PRKCB: variants seen among roughly 807,000 people sequenced by gnomAD.
The protein encoded by PRKCB is protein kinase C beta.
In PRKCB, 13 loss-of-function variants were observed where a neutral mutation model predicts 81.5. The ratio of observed to expected loss-of-function variants is 0.16; its 90% CI spans 0.10 to 0.25. PRKCB has a LOEUF of 0.25. Ranked by LOEUF, PRKCB falls within the 10% of genes least tolerant of loss-of-function variation. The pLI, the probability that PRKCB is intolerant of heterozygous loss-of-function variation, is 1.00. For missense variants in PRKCB, 509 were observed against 875.7 expected (o/e 0.58, Z 5.29); for synonymous variants, 335 against 321.4 (o/e 1.04, Z -0.45).
chr16:24,061,927 A>C (rs867777544), intron 5 of PRKCB, among the ~76,000 whole-genome samples: 2,676 of 150,142 alleles, frequency 0.018, 94 homozygotes, highest in African/African-American at 0.063. Flanking sequence ...AAAAAAAAAA[A>C]AAAAAACTTG....
intron 5 of PRKCB, among the ~76,000 whole-genome samples, chr16:24,056,686 C>G (rs561134619): frequency 6.6e-4 from 101 of 152,272 alleles, no homozygotes; most frequent in African/African-American, 2.3e-3. Context: ...CCTCCCCTCT[C>G]TCATTCTTGT....
chr16:23,890,595 A>G (rs1306334042), intron 2 of PRKCB, among the ~76,000 whole-genome samples: 1 of 152,166 alleles, frequency 6.6e-6, no homozygotes, highest in Non-Finnish European at 1.5e-5. Context: ...GCAAGAGGCT[A>G]GCTAGCTCCA....
chr16:24,213,006 A>G (rs117802727), intron 16 of PRKCB, among the ~76,000 whole-genome samples: 1 of 143,742 alleles, frequency 7.0e-6, no homozygotes, highest in African/African-American at 2.6e-5. Flanking sequence ...CCGTACTTGT[A>G]TATTTATTTA....
At chr16:23,919,387 C>CAAAA (rs55957044) in intron 2 of PRKCB, among the ~76,000 whole-genome samples, 3 of 146,038 alleles carry the variant, frequency 2.1e-5, no homozygotes, top group Non-Finnish European at 4.5e-5. Flanking sequence ...GACGAATTTG[C>CAAAA]AAAAAAAAAA....
chr16:24,002,163 G>A (rs1231472217), intron 3 of PRKCB, among the ~76,000 whole-genome samples: 2 of 152,084 alleles, frequency 1.3e-5, no homozygotes, highest in African/African-American at 4.8e-5. Context: ...GAACAGCCTT[G>A]CTAGCATTGA....
intron 9 of PRKCB, among the ~76,000 whole-genome samples, chr16:24,129,870 CT>C (rs1966850811): frequency 6.6e-6 from 1 of 152,150 alleles, no homozygotes; most frequent in Admixed American, 6.5e-5. Context: ...TTTCATTAAA[CT>C]TTTTCTTCAA....
chr16:23,962,740 T>G (rs1475154829), intron 2 of PRKCB, among the ~76,000 whole-genome samples: 1 of 151,590 alleles, frequency 6.6e-6, no homozygotes, highest in Non-Finnish European at 1.5e-5. Flanking sequence ...GTCTTTGTTT[T>G]TTTTTTCTTT....
At chr16:23,901,481 C>T (rs1274853999) in intron 2 of PRKCB, among the ~76,000 whole-genome samples, 3 of 151,912 alleles carry the variant, frequency 2.0e-5, no homozygotes, top group East Asian at 1.9e-4. Flanking sequence ...GCTTTGAGAG[C>T]GGAAGGGGAG....
intron 7 of PRKCB, among the ~76,000 whole-genome samples, chr16:24,110,353 G>A (rs1411726662): frequency 1.3e-5 from 2 of 149,132 alleles, no homozygotes; most frequent in South Asian, 2.1e-4. Flanking sequence ...CTGGGACTAC[G>A]GGCGCGTGCC....
chr16:24,025,453 T>C (rs1965465903), intron 3 of PRKCB, among the ~76,000 whole-genome samples: 1 of 152,242 alleles, frequency 6.6e-6, no homozygotes, highest in South Asian at 2.1e-4. Flanking sequence ...AAATGTTCCA[T>C]AAATGTTAAC....
At chr16:24,086,055 G>A (rs1018296464) in intron 5 of PRKCB, among the ~76,000 whole-genome samples, 5 of 152,166 alleles carry the variant, frequency 3.3e-5, no homozygotes, top group Admixed American at 6.5e-5. Flanking sequence ...TGTAATCAGA[G>A]CCTATCAGGT....
At chr16:24,136,562 CCT>C (rs1315503351) in intron 9 of PRKCB, among the ~76,000 whole-genome samples, 2 of 152,196 alleles carry the variant, frequency 1.3e-5, no homozygotes, top group Admixed American at 1.3e-4. Flanking sequence ...ATCAGCACCA[CCT>C]CTCTCAGCCT....
chr16:23,898,386 G>T (rs752888590), intron 2 of PRKCB, among the ~76,000 whole-genome samples: 25 of 152,152 alleles, frequency 1.6e-4, no homozygotes, highest in Non-Finnish European at 2.5e-4. Flanking sequence ...ATTTAATTGA[G>T]TGCCTGTTGT....
chr16:23,864,044 G>A (rs934398368), intron 2 of PRKCB, among the ~76,000 whole-genome samples: 35 of 152,158 alleles, frequency 2.3e-4, no homozygotes, highest in African/African-American at 8.2e-4. Flanking sequence ...TAGTAATAAG[G>A]ATCTCCCTTG....
chr16:23,930,955 G>A (rs1378765504), intron 2 of PRKCB, among the ~76,000 whole-genome samples: 2 of 152,218 alleles, frequency 1.3e-5, no homozygotes, highest in African/African-American at 4.8e-5. Flanking sequence ...CAGAAAGCAG[G>A]CAGCAGAGCT....
chr16:23,912,280 G>T (rs1963670420), intron 2 of PRKCB, among the ~76,000 whole-genome samples: 1 of 151,954 alleles, frequency 6.6e-6, no homozygotes, highest in Admixed American at 6.6e-5. Context: ...TCTGCTATAA[G>T]CCACTTGAGG....
Position 23,836,179 on chromosome 16 carries a change from G to T in PRKCB, c.4G>T (p.Ala2Ser). The change falls in exon 1 of 17, where the codon GCT becomes TCT. Residue 2 changes from alanine (A) to serine (S), a missense_variant. By Grantham distance (99) the Ala-to-Ser change is moderately conservative (BLOSUM62 1). Coordinates refer to ENST00000643927, the MANE Select transcript of PRKCB (RefSeq NM_002738.7). M[A>S]DPAAGPPPSE... Reference sequence around the variant, plus strand: ...GCTCCGGCTCCCCGCGCGCAAGATGGCTGACCCGGCTGCGGGGCCGCCGCC... The same window carrying T: ...GCTCCGGCTCCCCGCGCGCAAGATGTCTGACCCGGCTGCGGGGCCGCCGCC... The T allele has an allele frequency of 6.4e-7, 1 of 1,557,934 alleles. No individual in the cohort carries two copies. The highest frequency in any genetic ancestry group is 8.7e-7 in the Non-Finnish European group (1 of 1,155,560).
At chr16:23,902,780 T>TCCTTCCTTCCTTGCTTCCTC (rs1567307987) in intron 2 of PRKCB, among the ~76,000 whole-genome samples, 1 of 27,364 alleles carries the variant, frequency 3.7e-5, no homozygotes, top group East Asian at 1.8e-3. Flanking sequence ...CTTCCTTCCT[T>TCCTTCCTTCCTTGCTTCCTC]CCTCCCTCCC....
chr16:24,192,004 G>A (rs1360191424), intron 16 of PRKCB, among the ~76,000 whole-genome samples: 5 of 152,206 alleles, frequency 3.3e-5, no homozygotes, highest in African/African-American at 9.7e-5. Flanking sequence ...TAAATAGAGG[G>A]CAGACTTGGT....
Sources: gnomAD v4.1 joint callset for allele counts (sites outside exome capture counted in the v4.1 genomes callset) on GRCh38, gnomAD v4.1.1 for gene constraint, MANE v1.5 for transcripts, NCBI Gene and HGNC (gene_info 2026-07-23, HGNC 2026-07-21) for gene names.